Variants in UGT1A9 observed in about 807,000 individuals in gnomAD.
UGT1A9 encodes UDP-glucuronosyltransferase 1A9.
In UGT1A9, 35 loss-of-function variants were observed where a neutral mutation model predicts 45.0. The observed-to-expected ratio is 0.78, with a 90% CI of 0.59 to 1.03. UGT1A9 has a LOEUF of 1.03. Ranked by LOEUF, UGT1A9 falls within the 50% of genes least tolerant of loss-of-function variation. The probability of loss-of-function intolerance (pLI) is 0.00; values close to 1 mark genes in which losing one functional copy is unlikely to be tolerated. For missense variants in UGT1A9, 687 were observed against 666.6 expected (o/e 1.03, Z -0.34); for synonymous variants, 278 against 250.6 (o/e 1.11, Z -1.03).
At chr2:233,718,768 T>C in intron 1 of UGT1A9, 2 of 1,612,770 alleles carry the variant, frequency 1.2e-6, no homozygotes, top group Non-Finnish European at 1.7e-6. Flanking sequence ...AGGAAACAAA[T>C]GTAGCAGGCA....
At chr2:233,707,391 T>C (rs1441137641) in intron 1 of UGT1A9, among the ~76,000 whole-genome samples, 1 of 152,078 alleles carries the variant, frequency 6.6e-6, no homozygotes, top group African/African-American at 2.4e-5. Flanking sequence ...CATGAGCTAT[T>C]CTTTTTGATG....
intron 1 of UGT1A9, among the ~76,000 whole-genome samples, chr2:233,677,237 C>G (rs2074384774): frequency 6.6e-6 from 1 of 152,180 alleles, no homozygotes; most frequent in Admixed American, 6.5e-5. Flanking sequence ...CAGTCTTTCA[C>G]ATCCTTTGTC....
intron 1 of UGT1A9, among the ~76,000 whole-genome samples, chr2:233,736,165 G>A (rs533285485): frequency 1.2e-4 from 19 of 152,088 alleles, no homozygotes; most frequent in Non-Finnish European, 2.6e-4. Context: ...CGTAGATTTG[G>A]TCTTTCCACA....
At chr2:233,691,077 T>C in intron 1 of UGT1A9, 1 of 986,126 alleles carries the variant, frequency 1.0e-6, no homozygotes, top group Non-Finnish European at 1.2e-6. Flanking sequence ...GAATGTGAAG[T>C]TTGTAGCATC....
At chr2:233,689,817 ATCTCTGGAC>A (rs1446370828) in intron 1 of UGT1A9, 3 of 442,198 alleles carry the variant, frequency 6.8e-6, no homozygotes, top group Non-Finnish European at 1.3e-5. Context: ...GAAACCAAAC[ATCTCTGGAC>A]TCTAACTTTC....
At chr2:233,716,681 T>C (rs991424130) in intron 1 of UGT1A9, among the ~76,000 whole-genome samples, 4 of 152,224 alleles carry the variant, frequency 2.6e-5, no homozygotes, top group African/African-American at 9.6e-5. Context: ...CCCCAAGATA[T>C]AGTTTCTACA....
intron 1 of UGT1A9, among the ~76,000 whole-genome samples, chr2:233,698,253 G>A (rs146882622): frequency 8.7e-4 from 132 of 152,208 alleles, no homozygotes; most frequent in African/African-American, 3.0e-3. Flanking sequence ...AATTTCTTTT[G>A]TCCAATAATC....
chr2:233,743,994 TG>T, intron 1 of UGT1A9: 1 of 1,253,164 alleles, frequency 8.0e-7, no homozygotes, highest in Non-Finnish European at 1.0e-6. Flanking sequence ...CAGGCCCGAG[TG>T]CTCGGAGACC....
At chr2:233,729,950 T>C (rs1336852527) in intron 1 of UGT1A9, 2 of 1,613,962 alleles carry the variant, frequency 1.2e-6, no homozygotes, top group Non-Finnish European at 1.7e-6. Context: ...AACATGGTCT[T>C]CATTGGGGGC....
chr2:233,702,713 T>C (rs928931603), intron 1 of UGT1A9, among the ~76,000 whole-genome samples: 3 of 152,216 alleles, frequency 2.0e-5, no homozygotes, highest in African/African-American at 2.4e-5. Context: ...TCTGTGTCTA[T>C]TGAAATGAAC....
chr2:233,754,887 T>G (rs1212362818), intron 1 of UGT1A9: 2 of 1,351,202 alleles, frequency 1.5e-6, no homozygotes, highest in Non-Finnish European at 2.0e-6. Flanking sequence ...TCCCAGGGAG[T>G]TCCTCTGACC....
chr2:233,745,596 G>T (rs1207233970), intron 1 of UGT1A9, among the ~76,000 whole-genome samples: 1 of 151,570 alleles, frequency 6.6e-6, no homozygotes, highest in Non-Finnish European at 1.5e-5. Context: ...ACCCGGACTT[G>T]GCACTTGGTA....
intron 1 of UGT1A9, chr2:233,719,315 G>A (rs768997881): frequency 1.2e-6 from 2 of 1,613,980 alleles, no homozygotes; most frequent in Non-Finnish European, 1.7e-6. Context: ...CTAAGTACCT[G>A]TCGATTCCTG....
Position 233,756,787 on chromosome 2 carries a change from G to A in UGT1A9, c.856-10247G>A, listed in dbSNP as rs1029492896. Among the ~76,000 whole-genome samples the A allele has an allele frequency of 9.9e-5, 15 of 151,900 alleles. No individual in the cohort carries two copies. The East Asian group carries it at 1.2e-3, about 12-fold the overall frequency. On this transcript the variant is annotated intron_variant, in intron 1 of 4. Coordinates refer to ENST00000354728, the MANE Select transcript of UGT1A9 (RefSeq NM_021027.3). ...GGATTCTTTGCTTTGATAAATTGTG[G>A]GGCAATACACTAGTAAAGGTCACTC... is the stretch of plus-strand genomic sequence containing the variant.
chr2:233,715,924 G>T (rs1302782144), intron 1 of UGT1A9, among the ~76,000 whole-genome samples: 3 of 152,178 alleles, frequency 2.0e-5, no homozygotes, highest in African/African-American at 7.2e-5. Flanking sequence ...TTGAGCTCAG[G>T]AGTTTCAGCT....
intron 1 of UGT1A9, chr2:233,747,188 GTCAGCTGTCCGTGTCT>G: frequency 6.2e-7 from 1 of 1,603,604 alleles, no homozygotes; most frequent in Non-Finnish European, 8.5e-7. Flanking sequence ...GGGGTGGACA[GTCAGCTGTCCGTGTCT>G]TCTGCTGAGA....
At chr2:233,718,645 A>G in intron 1 of UGT1A9, 1 of 1,494,710 alleles carries the variant, frequency 6.7e-7, no homozygotes, top group Non-Finnish European at 9.0e-7. Context: ...GGTTGGGCCC[A>G]TAACGAAAGG....
intron 1 of UGT1A9, chr2:233,753,459 T>G (rs1411436879): frequency 6.6e-6 from 1 of 152,232 alleles, no homozygotes; most frequent in Non-Finnish European, 1.5e-5. Context: ...CCATGATTTT[T>G]CTGTAAAAAA....
At chr2:233,770,952 GA>G (rs1289547688) in intron 4 of UGT1A9, 4 of 152,160 alleles carry the variant, frequency 2.6e-5, no homozygotes, top group African/African-American at 9.7e-5. Context: ...GAACCTCAGG[GA>G]GCTTTTACTC....
Sources: gnomAD v4.1 joint callset for allele counts (sites outside exome capture counted in the v4.1 genomes callset) on GRCh38, gnomAD v4.1.1 for gene constraint, MANE v1.5 for transcripts, NCBI Gene and HGNC (gene_info 2026-07-23, HGNC 2026-07-21) for gene names.